Variants in USP15 observed in about 807,000 individuals in gnomAD.
USP15 encodes ubiquitin specific peptidase 15.
A neutral mutation model predicts 127.1 loss-of-function variants in USP15; 18 were observed. The ratio of observed to expected loss-of-function variants is 0.14; its 90% CI spans 0.10 to 0.21. The LOEUF is 0.21. Ranked by LOEUF, USP15 falls within the 10% of genes least tolerant of loss-of-function variation. The pLI, the probability that USP15 is intolerant of heterozygous loss-of-function variation, is 1.00. For synonymous variants in USP15, 364 were observed against 393.7 expected (o/e 0.92, Z 0.89); for missense variants, 805 against 1,159.9 (o/e 0.69, Z 4.44).
intron 11 of USP15, among the ~76,000 whole-genome samples, chr12:62,388,975 ATT>A (rs2067240140): frequency 6.6e-6 from 1 of 152,166 alleles, no homozygotes; most frequent in South Asian, 2.1e-4. Context: ...AAAAATAAAA[ATT>A]AGCCAGTCAT....
At chr12:62,400,889 T>C (rs1368001008) in intron 20 of USP15, among the ~76,000 whole-genome samples, 1 of 152,076 alleles carries the variant, frequency 6.6e-6, no homozygotes, top group East Asian at 1.9e-4. Context: ...TGGTACACAG[T>C]AAGCACTACA....
In USP15 at chr12:62,402,046, A is replaced by G. The variant is rs115752679; in HGVS notation, c.2763+771A>G. 8.8e-3 allele frequency among the ~76,000 whole-genome samples: 1,329 copies of G among 151,690 alleles called. 20 individuals carry two copies. Among genetic ancestry groups the G allele is most frequent in the African/African-American group, 0.029 (1,209 of 41,422 alleles). On this transcript the variant is annotated intron_variant, in intron 21 of 21. Transcript: ENST00000280377. ...ATTTTTTGTTTATATTTAAACTCCT[A>G]ATTTTTTTTCTGCAAAAGAAAATCA...
intron 1 of USP15, among the ~76,000 whole-genome samples, chr12:62,286,937 C>CAAA (rs60827285): frequency 1.6e-4 from 21 of 128,398 alleles, no homozygotes; most frequent in Non-Finnish European, 2.5e-4. Flanking sequence ...AACTCTGTCT[C>CAAA]AAAAAAAAAA....
At chr12:62,350,597 C>G (rs139509385) in intron 7 of USP15, among the ~76,000 whole-genome samples, 48 of 152,160 alleles carry the variant, frequency 3.2e-4, no homozygotes, top group Admixed American at 1.4e-3. Context: ...CTTAGAAACA[C>G]TGGGCAATAC....
chr12:62,355,825 CTTTT>C (rs201572809), intron 8 of USP15, among the ~76,000 whole-genome samples: 3 of 124,402 alleles, frequency 2.4e-5, no homozygotes, highest in Admixed American at 1.6e-4. Context: ...CTTTTTTTTT[CTTTT>C]TTTTTTTTTT....
chr12:62,392,754 C>T (rs184129734), intron 18 of USP15, among the ~76,000 whole-genome samples: 1 of 152,134 alleles, frequency 6.6e-6, no homozygotes, highest in Admixed American at 6.5e-5. Flanking sequence ...TTTCTAATAC[C>T]TGTCTTCCAG....
chr12:62,358,348 C>G (rs920615392), intron 8 of USP15, among the ~76,000 whole-genome samples: 2 of 152,048 alleles, frequency 1.3e-5, no homozygotes, highest in African/African-American at 4.8e-5. Flanking sequence ...TTAAGATTTT[C>G]TGATGTAATG....
chr12:62,329,682 T>G (rs944004112), intron 6 of USP15, among the ~76,000 whole-genome samples: 1 of 152,106 alleles, frequency 6.6e-6, no homozygotes, highest in Non-Finnish European at 1.5e-5. Context: ...TGCTAACAGG[T>G]AGATGAGAAG....
intron 1 of USP15, among the ~76,000 whole-genome samples, chr12:62,261,763 C>T (rs1222531273): frequency 6.6e-6 from 1 of 152,166 alleles, no homozygotes; most frequent in Non-Finnish European, 1.5e-5. Flanking sequence ...ATATTGGGAT[C>T]ATTTTCAGTT....
At chr12:62,305,222 C>G (rs2064447188) in intron 3 of USP15, among the ~76,000 whole-genome samples, 1 of 151,966 alleles carries the variant, frequency 6.6e-6, no homozygotes, top group South Asian at 2.1e-4. Flanking sequence ...CTATGAATCC[C>G]AAACTGAAAT....
chr12:62,293,197 C>T lies in USP15; in HGVS notation c.90-982C>T, dbSNP rs115969023. Among the ~76,000 whole-genome samples, 329 of 152,322 alleles carry T rather than the reference C, an allele frequency of 2.2e-3. 2 individuals are homozygous for T. Among genetic ancestry groups the T allele is most frequent in the African/African-American group, 7.8e-3 (324 of 41,574 alleles). ...AGGAATGAAGGATCCCAAACACTCT[C>T]GCTTACCCTTTCCGTGCAACACCAA... On this transcript the variant is annotated intron_variant, in intron 1 of 21. Transcript: ENST00000280377.
At position 62,407,019 on chromosome 12, in the gene USP15, T is replaced by C. The variant is rs537641520; in HGVS notation, c.*2644T>C. Reference sequence around the variant, plus strand: ...CAGGGTAATGGGAATATATCTAGACTAGAATTTCTACTTCTAGCTTTGCCA... The same window carrying C: ...CAGGGTAATGGGAATATATCTAGACCAGAATTTCTACTTCTAGCTTTGCCA... On this transcript the variant is annotated 3_prime_UTR_variant, in exon 22 of 22. Transcript: ENST00000280377. The C allele has an allele frequency of 6.6e-6, 1 of 152,252 alleles. No homozygotes were observed. Among genetic ancestry groups the C allele is most frequent in the South Asian group, 2.1e-4 (1 of 4,830 alleles). The allele number at this position is 152,252 out of a possible 1,614,324, so 9.4% of individuals were successfully genotyped here. A position where few individuals can be genotyped will look rare whatever the true frequency, so the allele number is the denominator to read the frequency against.
At chr12:62,327,450 C>T (rs1326256246) in intron 6 of USP15, among the ~76,000 whole-genome samples, 1 of 151,982 alleles carries the variant, frequency 6.6e-6, no homozygotes, top group Admixed American at 6.6e-5. Context: ...TACTTTTAGT[C>T]TTCAAAGCAG....
rs369769486 is a variant in USP15, at chr12:62,293,636, G to A, written c.90-543G>A. On this transcript the variant is annotated intron_variant, in intron 1 of 21. Coordinates refer to ENST00000280377, the MANE Select transcript of USP15 (RefSeq NM_001252078.2). The stretch of plus-strand genomic sequence containing the variant: ...CTTCCAAAGCGCTGGGATTACAGGC[G>A]TAAGCCACTGCGCCCGGCTGTAATT... 7.2e-5 allele frequency among the ~76,000 whole-genome samples: 11 copies of A among 152,258 alleles called. No individual in the cohort carries two copies. In the East Asian group the frequency reaches 9.7e-4, roughly 13 times the overall value.
At chr12:62,401,819 A>T (rs575403846) in intron 21 of USP15, among the ~76,000 whole-genome samples, 2 of 151,342 alleles carry the variant, frequency 1.3e-5, no homozygotes, top group East Asian at 3.9e-4. Flanking sequence ...GTTCACACTT[A>T]CATCAGTTTA....
intron 8 of USP15, among the ~76,000 whole-genome samples, chr12:62,380,075 A>AGTTT (rs2066943491): frequency 2.0e-5 from 3 of 152,054 alleles, no homozygotes. Context: ...ATGACTCTAA[A>AGTTT]GGCCTATATA....
intron 3 of USP15, among the ~76,000 whole-genome samples, chr12:62,303,825 T>A (rs1226996402): frequency 2.0e-5 from 3 of 152,216 alleles, no homozygotes; most frequent in African/African-American, 7.2e-5. Context: ...ACCTTTTATT[T>A]ATTTTTGTTT....
At chr12:62,304,873 TAAA>T (rs920354484) in intron 3 of USP15, 54 of 243,644 alleles carry the variant, frequency 2.2e-4, no homozygotes, top group Non-Finnish European at 7.6e-5. Context: ...GCAAAACTAT[TAAA>T]GAAGAAGCAA....
At chr12:62,284,955 A>C (rs1338467335) in intron 1 of USP15, among the ~76,000 whole-genome samples, 1 of 152,146 alleles carries the variant, frequency 6.6e-6, no homozygotes, top group Non-Finnish European at 1.5e-5. Context: ...TTACAGTGTT[A>C]GCTGTATCAC....
Sources: gnomAD v4.1 joint callset for allele counts (sites outside exome capture counted in the v4.1 genomes callset) on GRCh38, gnomAD v4.1.1 for gene constraint, MANE v1.5 for transcripts, NCBI Gene and HGNC (gene_info 2026-07-23, HGNC 2026-07-21) for gene names.